Variants in TTC7A observed in about 807,000 individuals in gnomAD.
The protein encoded by TTC7A is tetratricopeptide repeat protein 7A.
A neutral mutation model predicts 103.7 loss-of-function variants in TTC7A; 110 were observed. The observed-to-expected ratio is 1.06, with a 90% CI of 0.91 to 1.24. The LOEUF (loss-of-function observed/expected upper bound fraction) is 1.24, where lower values mean the gene tolerates loss of function less well. Ranked by LOEUF, TTC7A falls within the 50% of genes most tolerant of loss-of-function variation. The probability of loss-of-function intolerance (pLI) is 0.00; values close to 1 mark genes in which losing one functional copy is unlikely to be tolerated. For synonymous variants in TTC7A, 521 were observed against 467.9 expected, an observed-to-expected ratio of 1.11 and a Z score of -1.47; for missense variants, 1,340 against 1,116.3, an observed-to-expected ratio of 1.20 and a Z score of -2.86.
At chr2:46,956,621 A>G (rs766055816) in intron 2 of TTC7A, 2 of 578,116 alleles carry the variant, frequency 3.5e-6, no homozygotes, top group South Asian at 2.1e-5. Flanking sequence ...ACAATTAGGG[A>G]CTCATAGGAG....
At chr2:47,046,489 C>A in intron 16 of TTC7A, 58 bp downstream of exon 16, 1 of 1,400,462 alleles carries the variant, frequency 7.1e-7, no homozygotes, top group Non-Finnish European at 1.0e-6. Flanking sequence ...GGCAACAATC[C>A]ACAGCTGGGT....
At chr2:47,010,168 G>T (rs893496119) in intron 10 of TTC7A, among the ~76,000 whole-genome samples, 1 of 152,146 alleles carries the variant, frequency 6.6e-6, no homozygotes, top group African/African-American at 2.4e-5. Flanking sequence ...AATGCACTTA[G>T]AACAGGGGTC....
At chr2:47,066,773 C>G (rs1014203199) in intron 19 of TTC7A, among the ~76,000 whole-genome samples, 1 of 152,182 alleles carries the variant, frequency 6.6e-6, no homozygotes, top group Non-Finnish European at 1.5e-5. Flanking sequence ...CCAGGTTAGT[C>G]TTGAACTCCT....
chr2:47,018,213 G>A (rs952655278), intron 11 of TTC7A, among the ~76,000 whole-genome samples: 38 of 151,440 alleles, frequency 2.5e-4, no homozygotes, highest in African/African-American at 9.0e-4. Context: ...GGAGGCAGAG[G>A]TTGCAGTGAG....
In TTC7A at chr2:47,027,469, GA is replaced by G. The variant is rs1240418293; in HGVS notation, c.1642-1753del. 2.6e-5 allele frequency among the ~76,000 whole-genome samples: 4 copies of G among 152,244 alleles called. No homozygotes were observed. In the East Asian group the frequency reaches 7.7e-4, roughly 29 times the overall value. ...CTTGCTCTGCTGTGTGAAAAGAATG[GA>G]AGGGATAGAAGATAGCATTTTTGCA... On this transcript the variant is annotated intron_variant, in intron 14 of 19. Transcript: ENST00000319190.
intron 4 of TTC7A, among the ~76,000 whole-genome samples, chr2:46,975,883 C>A (rs1228427650): frequency 6.6e-6 from 1 of 152,070 alleles, no homozygotes; most frequent in Non-Finnish European, 1.5e-5. Context: ...ACTACAGGCG[C>A]CTGCCACCGT....
chr2:46,953,403 C>T (rs1254061736), intron 2 of TTC7A, among the ~76,000 whole-genome samples: 1 of 152,212 alleles, frequency 6.6e-6, no homozygotes, highest in African/African-American at 2.4e-5. Context: ...AGTCCTGTCA[C>T]CTGTGCCTCC....
At chr2:47,045,244 G>A (rs183386584) in intron 15 of TTC7A, among the ~76,000 whole-genome samples, 55 of 152,330 alleles carry the variant, frequency 3.6e-4, no homozygotes, top group Non-Finnish European at 7.4e-5. Context: ...CATACTGGTT[G>A]CTGTATAGCC....
intron 18 of TTC7A, among the ~76,000 whole-genome samples, chr2:47,052,526 G>C (rs1682951379): frequency 6.6e-6 from 1 of 152,220 alleles, no homozygotes; most frequent in Admixed American, 6.5e-5. Flanking sequence ...AGTCATGGTG[G>C]AGGAAGAGGC....
upstream of TTC7A, among the ~76,000 whole-genome samples, chr2:46,938,695 G>A (rs1171182508): frequency 6.6e-6 from 1 of 152,146 alleles, no homozygotes; most frequent in Non-Finnish European, 1.5e-5. Flanking sequence ...GGCCCTGTGT[G>A]GTGGGTGGTT....
intron 1 of TTC7A, among the ~76,000 whole-genome samples, chr2:46,948,600 G>T (rs1671137924): frequency 6.6e-6 from 1 of 152,156 alleles, no homozygotes; most frequent in African/African-American, 2.4e-5. Context: ...CCCTTACGGT[G>T]AGAGATTCTT....
intron 15 of TTC7A, among the ~76,000 whole-genome samples, chr2:47,033,299 C>A: frequency 6.6e-6 from 1 of 152,260 alleles, no homozygotes; most frequent in East Asian, 1.9e-4. Context: ...CCAGTAAGAT[C>A]TGTATCCACA....
chr2:46,949,552 A>T (rs1016979413), intron 1 of TTC7A, among the ~76,000 whole-genome samples: 1 of 152,030 alleles, frequency 6.6e-6, no homozygotes, highest in Non-Finnish European at 1.5e-5. Context: ...GTATAAAACC[A>T]CCTACCAGGT....
intron 2 of TTC7A, among the ~76,000 whole-genome samples, chr2:46,931,335 C>G (rs532119610): frequency 2.0e-5 from 3 of 152,392 alleles, no homozygotes; most frequent in Middle Eastern, 3.4e-3. Flanking sequence ...ATCCTCTCGC[C>G]TCAGCTTCTG....
upstream of TTC7A, among the ~76,000 whole-genome samples, chr2:46,940,282 G>T (rs1352005179): frequency 5.9e-5 from 9 of 152,200 alleles, no homozygotes; most frequent in Non-Finnish European, 1.5e-5. The surrounding 1 kb of genome is among the most constrained non-coding windows in gnomAD (Gnocchi z 4.7). Flanking sequence ...CCCTGACCCT[G>T]CTGTCTTTTG....
chr2:46,974,231 C>T (rs929465975), intron 3 of TTC7A, among the ~76,000 whole-genome samples: 2 of 152,250 alleles, frequency 1.3e-5, no homozygotes, highest in Non-Finnish European at 2.9e-5. Context: ...ATAACCACTT[C>T]AGTTCCTGGG....
intron 2 of TTC7A, 58 bp from the exon 3 acceptor site, chr2:46,956,781 G>A (rs961794688): frequency 3.8e-6 from 6 of 1,596,282 alleles, no homozygotes; most frequent in Non-Finnish European, 3.4e-6. Context: ...TTCAGTGGGG[G>A]TGTTCACCCC....
intron 4 of TTC7A, 108 bp downstream of exon 4, chr2:46,975,211 C>T (rs1448587920): frequency 2.1e-6 from 3 of 1,427,920 alleles, no homozygotes; most frequent in African/African-American, 2.8e-5. Flanking sequence ...AAGAAGTCAC[C>T]TTCTCTGTCC....
Position 46,918,803 on chromosome 2 carries a change from C to T in TTC7A, c.82+1526C>T, listed in dbSNP as rs185421707. 2.6e-5 allele frequency among the ~76,000 whole-genome samples: 4 copies of T among 152,308 alleles called. No homozygotes were observed. In the East Asian group the frequency reaches 5.8e-4, roughly 22 times the overall value. On this transcript the variant is annotated intron_variant, in intron 2 of 20. Coordinates refer to the TTC7A transcript ENST00000409245. ...GCCTTTTTTAGTAGCTTTCAGCAGA[C>T]TCCTTCAAGAGAAGGGCAACTCTAC...
Sources: gnomAD v4.1 joint callset for allele counts (sites outside exome capture counted in the v4.1 genomes callset) on GRCh38, gnomAD v4.1.1 for gene constraint, Gnocchi (gnomAD v3.1) non-coding constraint, MANE v1.5 for transcripts, NCBI Gene and HGNC (gene_info 2026-07-23, HGNC 2026-07-21) for gene names.